The following GPM6A variants were observed in gnomAD, a reference collection of about 807,000 sequenced individuals.
The protein encoded by GPM6A is glycoprotein M6A, also known as neuronal membrane glycoprotein M6-a.
A neutral mutation model predicts 32.1 loss-of-function variants in GPM6A; 7 were observed. That is an observed-to-expected ratio of 0.22 (90% CI 0.12 to 0.41). The LOEUF is 0.41. Ranked by LOEUF, GPM6A falls within the 10% of genes least tolerant of loss-of-function variation. GPM6A has a pLI of 1.00. For synonymous variants in GPM6A, 130 were observed against 123.4 expected, an observed-to-expected ratio of 1.05 and a Z score of -0.35; for missense variants, 235 against 347.2, an observed-to-expected ratio of 0.68 and a Z score of 2.57.
intron 1 of GPM6A, among the ~76,000 whole-genome samples, chr4:175,838,731 C>G (rs959158372): frequency 4.2e-5 from 6 of 144,188 alleles, no homozygotes; most frequent in African/African-American, 1.6e-4. Flanking sequence ...TTCGGCTCAC[C>G]AGAACCTTTA....
At chr4:175,685,082 G>T (rs987777505) in intron 2 of GPM6A, among the ~76,000 whole-genome samples, 1 of 151,876 alleles carries the variant, frequency 6.6e-6, no homozygotes, top group African/African-American at 2.4e-5. Context: ...GTAGAGACGG[G>T]GTTTCACCAC....
At chr4:175,797,596 G>A (rs1734284451) in intron 1 of GPM6A, among the ~76,000 whole-genome samples, 1 of 151,996 alleles carries the variant, frequency 6.6e-6, no homozygotes, top group South Asian at 2.1e-4. Context: ...TATGCCTATT[G>A]AATAATCCAG....
In GPM6A at chr4:175,634,687, G is replaced by A. The variant is rs984121222; in HGVS notation, c.*218C>T. The A allele has an allele frequency of 2.1e-6, 1 of 470,570 alleles. No homozygotes were observed. Among genetic ancestry groups the A allele is most frequent in the Admixed American group, 3.9e-5 (1 of 25,908 alleles). 29.1% of individuals were successfully genotyped at this position (470,570 alleles called of 1,614,324 possible). ...TTTGAGAAATTTCAAAAAAAAGGCT[G>A]GATAGGAGCTTGTAGAAAAGATCTG... is the stretch of plus-strand genomic sequence containing the variant. On this transcript the variant is annotated 3_prime_UTR_variant, in exon 7 of 7. Coordinates refer to ENST00000393658, the MANE Select transcript of GPM6A (RefSeq NM_201591.3).
In GPM6A at chr4:175,969,564, A is replaced by T. The variant is rs1740436562; in HGVS notation, c.-23+32745T>A. ...TCTCTACTGAAAAAAAGAAAAAATTATCTGGGCGTGGTGGTGGGCACTTGT... is the reference window on the plus strand; with the variant it reads ...TCTCTACTGAAAAAAAGAAAAAATTTTCTGGGCGTGGTGGTGGGCACTTGT... On this transcript the variant is annotated intron_variant, in intron 1 of 7. Transcript: ENST00000280187. Among the ~76,000 whole-genome samples, 3 of 152,224 alleles carry T rather than the reference A, an allele frequency of 2.0e-5. 1 individual carries two copies. Among genetic ancestry groups the T allele is most frequent in the Admixed American group, 2.0e-4 (3 of 15,280 alleles).
At chr4:175,855,017 A>G (rs1446704506) in intron 1 of GPM6A, among the ~76,000 whole-genome samples, 3 of 152,198 alleles carry the variant, frequency 2.0e-5, no homozygotes, top group Admixed American at 2.0e-4. Context: ...ATAATTTGAC[A>G]AAACACTGCT....
intron 1 of GPM6A, among the ~76,000 whole-genome samples, chr4:175,771,816 T>C (rs1213972313): frequency 6.6e-6 from 1 of 152,226 alleles, no homozygotes; most frequent in Non-Finnish European, 1.5e-5. Context: ...GCAGGATCCC[T>C]GCTTTTATTC....
chr4:175,713,258 G>A (rs564808198), intron 1 of GPM6A, among the ~76,000 whole-genome samples: 2 of 152,032 alleles, frequency 1.3e-5, no homozygotes, highest in African/African-American at 4.8e-5. Flanking sequence ...GCCGGAATGC[G>A]ATGGCAGGAT....
At chr4:175,949,670 A>G (rs1378369945) in intron 1 of GPM6A, among the ~76,000 whole-genome samples, 1 of 152,214 alleles carries the variant, frequency 6.6e-6, no homozygotes, top group African/African-American at 2.4e-5. Flanking sequence ...CCTTCAAATC[A>G]GTAAATAAAT....
At chr4:175,919,240 C>A (rs1373669955) in intron 1 of GPM6A, among the ~76,000 whole-genome samples, 18 of 151,996 alleles carry the variant, frequency 1.2e-4, no homozygotes, top group Admixed American at 1.2e-3. Flanking sequence ...AGGTCCCTGG[C>A]AGTCTAGTAA....
At chr4:175,664,724 G>A (rs1286025618) in intron 3 of GPM6A, among the ~76,000 whole-genome samples, 1 of 152,106 alleles carries the variant, frequency 6.6e-6, no homozygotes, top group East Asian at 1.9e-4. Flanking sequence ...ACTTGTAGAA[G>A]TTCGTTCTAT....
At chr4:175,697,792 G>A (rs982986868) in intron 2 of GPM6A, among the ~76,000 whole-genome samples, 1 of 152,140 alleles carries the variant, frequency 6.6e-6, no homozygotes, top group Non-Finnish European at 1.5e-5. Context: ...GGACAAAACA[G>A]TATAATGGGT....
chr4:175,741,963 G>A (rs1210279261), intron 1 of GPM6A, among the ~76,000 whole-genome samples: 1 of 151,748 alleles, frequency 6.6e-6, no homozygotes. Flanking sequence ...GGAAGGAAGA[G>A]AAAAAATGAG....
At chr4:175,979,515 T>A (rs1258555360) in intron 1 of GPM6A, among the ~76,000 whole-genome samples, 1 of 152,230 alleles carries the variant, frequency 6.6e-6, no homozygotes, top group East Asian at 1.9e-4. Flanking sequence ...GTCCTTGCGA[T>A]AGTTTGCTGA....
chr4:175,991,233 T>A (rs866525161), intron 1 of GPM6A, among the ~76,000 whole-genome samples: 2,687 of 123,178 alleles, frequency 0.022, 70 homozygotes, highest in African/African-American at 0.079. Context: ...TCCCAGCTAT[T>A]TTTTTTTTTT....
Position 175,634,833 on chromosome 4 carries a change from AGGTTGGAT to A in GPM6A, c.*64_*71del. On this transcript the variant is annotated 3_prime_UTR_variant, in exon 7 of 7. Transcript: ENST00000393658. ...GAAGCACTTTCGTTTTGTTTTTTAA[AGGTTGGAT>A]GGTTGGATGGCCCTTAGTTAAACAC... 1 of 1,302,762 alleles carries A rather than the reference AGGTTGGAT, an allele frequency of 7.7e-7. No homozygotes were observed. The highest frequency in any genetic ancestry group is 2.3e-5 in the East Asian group (1 of 43,086). The allele number at this position is 1,302,762 out of a possible 1,614,324, so 80.7% of individuals were successfully genotyped here. A position where few individuals can be genotyped will look rare whatever the true frequency, so the allele number is the denominator to read the frequency against.
intron 1 of GPM6A, among the ~76,000 whole-genome samples, chr4:175,775,149 A>G (rs1733343627): frequency 6.6e-6 from 1 of 152,166 alleles, no homozygotes; most frequent in African/African-American, 2.4e-5. Context: ...GAATTGCTCT[A>G]GAACACTGCA....
chr4:175,885,473 T>C (rs930257731), intron 1 of GPM6A, among the ~76,000 whole-genome samples: 1 of 152,078 alleles, frequency 6.6e-6, no homozygotes, highest in Non-Finnish European at 1.5e-5. Flanking sequence ...CTACAAAATA[T>C]TTTAAAAATT....
intron 1 of GPM6A, among the ~76,000 whole-genome samples, chr4:175,841,214 T>C (rs1489299879): frequency 6.6e-6 from 1 of 152,162 alleles, no homozygotes; most frequent in African/African-American, 2.4e-5. Context: ...TTACAAAATA[T>C]TTGCATATAT....
intron 1 of GPM6A, among the ~76,000 whole-genome samples, chr4:175,882,080 A>G (rs558793099): frequency 3.3e-4 from 50 of 152,194 alleles, no homozygotes; most frequent in South Asian, 2.5e-3. Context: ...ATTATTTGTT[A>G]TGCATTTGTT....
Sources: gnomAD v4.1 joint callset for allele counts (sites outside exome capture counted in the v4.1 genomes callset) on GRCh38, gnomAD v4.1.1 for gene constraint, MANE v1.5 for transcripts, NCBI Gene and HGNC (gene_info 2026-07-23, HGNC 2026-07-21) for gene names.